Variants in SAMD5 observed in about 807,000 individuals in gnomAD.
The protein encoded by SAMD5 is sterile alpha motif domain-containing protein 5.
Under a neutral mutation model 11.3 loss-of-function variants are expected in SAMD5, and 13 were observed. The observed-to-expected ratio is 1.15, with a 90% confidence interval of 0.75 to 1.83. The LOEUF is 1.83. SAMD5 is among the 40% of genes most tolerant of loss of function. The probability of loss-of-function intolerance (pLI) is 0.00; values close to 1 mark genes in which losing one functional copy is unlikely to be tolerated. For missense variants in SAMD5, 255 were observed against 239.1 expected (o/e 1.07, Z -0.44); for synonymous variants, 129 against 111.3 (o/e 1.16, Z -1.00).
intron 1 of SAMD5, among the ~76,000 whole-genome samples, chr6:147,558,603 C>A (rs559817844): frequency 2.0e-5 from 3 of 152,046 alleles, no homozygotes; most frequent in Non-Finnish European, 2.9e-5. Context: ...ATCTCCCCCC[C>A]GTCCTCCTAG....
chr6:147,739,343 C>T (rs1224259951), downstream of SAMD5, among the ~76,000 whole-genome samples: 1 of 152,172 alleles, frequency 6.6e-6, no homozygotes, highest in Non-Finnish European at 1.5e-5. Context: ...CACCTGTAAT[C>T]CTAGCACCTT....
At chr6:147,514,281 C>A (rs1788132226) in intron 1 of SAMD5, among the ~76,000 whole-genome samples, 2 of 151,822 alleles carry the variant, frequency 1.3e-5, no homozygotes, top group Admixed American at 6.6e-5. Flanking sequence ...GAGACTGGGA[C>A]CTTTAGAGGT....
downstream of SAMD5, among the ~76,000 whole-genome samples, chr6:147,739,346 A>G (rs1393390111): frequency 6.6e-6 from 1 of 152,198 alleles, no homozygotes; most frequent in Non-Finnish European, 1.5e-5. Context: ...CTGTAATCCT[A>G]GCACCTTGGG....
intron 1 of SAMD5, among the ~76,000 whole-genome samples, chr6:147,723,586 G>T (rs1315979347): frequency 6.6e-6 from 1 of 152,162 alleles, no homozygotes; most frequent in Non-Finnish European, 1.5e-5. Flanking sequence ...TCATAATCAT[G>T]CAGTAGAGAG....
chr6:147,605,277 T>G (rs2128448566), intron 1 of SAMD5, among the ~76,000 whole-genome samples: 1 of 152,246 alleles, frequency 6.6e-6, no homozygotes, highest in East Asian at 1.9e-4. Context: ...CACACCTGAT[T>G]AATTTTTACA....
chr6:147,823,868 T>C, the SAMD5 span, among the ~76,000 whole-genome samples: 1 of 152,212 alleles, frequency 6.6e-6, no homozygotes, highest in African/African-American at 2.4e-5. Flanking sequence ...AATTCCAGTG[T>C]ATACTTTTTA....
chr6:147,863,160 C>T, the SAMD5 span, among the ~76,000 whole-genome samples: 1 of 152,316 alleles, frequency 6.6e-6, no homozygotes, highest in South Asian at 2.1e-4. Flanking sequence ...GTCATAATTT[C>T]AGAAGCAATA....
the SAMD5 span, among the ~76,000 whole-genome samples, chr6:147,890,770 A>G: frequency 4.0e-5 from 6 of 151,824 alleles, no homozygotes; most frequent in East Asian, 1.2e-3. Context: ...TTTTTTTAAC[A>G]GAAGTTAAAT....
At chr6:147,762,303 A>G in the SAMD5 span, among the ~76,000 whole-genome samples, 21 of 152,250 alleles carry the variant, frequency 1.4e-4, no homozygotes, top group African/African-American at 4.8e-4. Context: ...TCTTCAAGTG[A>G]TTCTCATGCC....
At chr6:147,774,478 A>G in the SAMD5 span, among the ~76,000 whole-genome samples, 1 of 152,184 alleles carries the variant, frequency 6.6e-6, no homozygotes, top group Admixed American at 6.5e-5. Context: ...TAACCTACGC[A>G]TATCCTCCCA....
intron 1 of SAMD5, among the ~76,000 whole-genome samples, chr6:147,670,698 C>G (rs1161257631): frequency 6.6e-6 from 1 of 152,196 alleles, no homozygotes; most frequent in East Asian, 1.9e-4. Flanking sequence ...TGTCAGCCTT[C>G]TTAGAATTGA....
At chr6:147,748,335 C>A in the SAMD5 span, among the ~76,000 whole-genome samples, 2 of 152,212 alleles carry the variant, frequency 1.3e-5, no homozygotes, top group African/African-American at 2.4e-5. Flanking sequence ...CTACCGCTAA[C>A]CAGTTATCTG....
At chr6:147,922,835 G>A in the SAMD5 span, among the ~76,000 whole-genome samples, 277 of 152,238 alleles carry the variant, frequency 1.8e-3, 3 homozygotes, top group East Asian at 0.011. Context: ...TAAGTGTGAA[G>A]GAGTGTGTAA....
chr6:147,861,907 C>T, the SAMD5 span, among the ~76,000 whole-genome samples: 33 of 152,164 alleles, frequency 2.2e-4, no homozygotes, highest in Non-Finnish European at 2.5e-4. Flanking sequence ...GTGAGAGCAG[C>T]CCAGCTGAGC....
At chr6:147,592,926 G>A (rs1357630) in intron 1 of SAMD5, among the ~76,000 whole-genome samples, 8,470 of 152,148 alleles carry the variant, frequency 0.056, 704 homozygotes, top group African/African-American at 0.18. Flanking sequence ...GCCAGAGAAC[G>A]CTCCTAGACT....
At chr6:147,925,229 T>C in the SAMD5 span, among the ~76,000 whole-genome samples, 1 of 152,138 alleles carries the variant, frequency 6.6e-6, no homozygotes, top group Non-Finnish European at 1.5e-5. Context: ...GAGAACTTGC[T>C]CACTCTCTCT....
intron 1 of SAMD5, among the ~76,000 whole-genome samples, chr6:147,536,915 A>C (rs1248852904): frequency 1.3e-5 from 2 of 152,108 alleles, no homozygotes; most frequent in African/African-American, 2.4e-5. Flanking sequence ...ATTTATCAGA[A>C]ACCCACATTT....
At chr6:147,796,598 G>A in the SAMD5 span, among the ~76,000 whole-genome samples, 1 of 152,086 alleles carries the variant, frequency 6.6e-6, no homozygotes. Context: ...TTCCAATTCT[G>A]TGAAGAAAGT....
At chr6:147,737,214 C>A in intron 1 of SAMD5, 1 of 443,222 alleles carries the variant, frequency 2.3e-6, no homozygotes, top group Non-Finnish European at 3.5e-6. Flanking sequence ...CCCTCCCATC[C>A]TCGGGAAGGG....
Sources: allele counts gnomAD v4.1 joint callset (sites outside exome capture counted in the v4.1 genomes callset), GRCh38; gene constraint gnomAD v4.1.1; transcripts MANE v1.5; gene names NCBI Gene and HGNC (gene_info 2026-07-23, HGNC 2026-07-21).